EGFR: variants seen among roughly 807,000 people sequenced by gnomAD.
EGFR encodes the protein avian erythroblastic leukemia viral (v-erb-b) oncogene homolog.
In EGFR, 58 loss-of-function variants were observed where a neutral mutation model predicts 143.0. The observed-to-expected ratio is 0.41, with a 90% confidence interval of 0.33 to 0.50. The LOEUF (loss-of-function observed/expected upper bound fraction) is 0.50, where lower values mean the gene tolerates loss of function less well. Among genes scored for constraint, EGFR ranks in the 20% least tolerant of loss-of-function variants. The pLI, the probability that EGFR is intolerant of heterozygous loss-of-function variation, is 0.39. For missense variants in EGFR, 1,307 were observed against 1,579.0 expected (o/e 0.83, Z 2.92); for synonymous variants, 613 against 594.4 (o/e 1.03, Z -0.45).
At chr7:55,027,991 A>AAAAAAAT (rs1554311534) in intron 1 of EGFR, among the ~76,000 whole-genome samples, 1 of 54,990 alleles carries the variant, frequency 1.8e-5, no homozygotes, top group Admixed American at 2.8e-4. Context: ...AAAAAAAAAA[A>AAAAAAAT]ATATATATAT....
chr7:55,115,279 G>GTTTATAC (rs1792765871), intron 1 of EGFR, among the ~76,000 whole-genome samples: 1 of 152,150 alleles, frequency 6.6e-6, no homozygotes, highest in Admixed American at 6.5e-5. Flanking sequence ...ATAGTTTATA[G>GTTTATAC]TTTATAAAAG....
intron 1 of EGFR, among the ~76,000 whole-genome samples, chr7:55,122,443 C>T (rs550906300): frequency 1.6e-4 from 25 of 152,332 alleles, no homozygotes; most frequent in African/African-American, 6.0e-4. Flanking sequence ...CGCACAGCCA[C>T]GCTGTGTGCT....
At chr7:55,179,436 C>A (rs935219940) in intron 19 of EGFR, among the ~76,000 whole-genome samples, 1 of 152,238 alleles carries the variant, frequency 6.6e-6, no homozygotes, top group Non-Finnish European at 1.5e-5. Context: ...ATTGAAGAGT[C>A]GAGGAAGGCT....
At chr7:55,155,973 A>C (rs778872118) in intron 8 of EGFR, 27 bp downstream of exon 8, 32 of 1,567,598 alleles carry the variant, frequency 2.0e-5, no homozygotes, top group Non-Finnish European at 2.7e-5. Flanking sequence ...TGTGCGGACG[A>C]GGCTTGTTCT....
chr7:55,206,360 T>C lies in EGFR; in HGVS notation c.*743T>C, dbSNP rs1233883063. Reference sequence around the variant, plus strand: ...TGAGCGTTAGACTGACTTGTTTGTCTTCCATTCCATTGTTTTGAAACTCAG... The same window carrying C: ...TGAGCGTTAGACTGACTTGTTTGTCCTCCATTCCATTGTTTTGAAACTCAG... On this transcript the variant is annotated 3_prime_UTR_variant, in exon 28 of 28. Coordinates refer to ENST00000275493, the MANE Select transcript of EGFR (RefSeq NM_005228.5). 7 of 233,392 alleles carry C rather than the reference T, an allele frequency of 3.0e-5. No individual in the cohort carries two copies. The highest frequency in any genetic ancestry group is 5.1e-5 in the Non-Finnish European group (6 of 118,204). 14.5% of individuals were successfully genotyped at this position (233,392 alleles called of 1,614,324 possible).
chr7:55,116,660 C>T (rs747047207), intron 1 of EGFR, among the ~76,000 whole-genome samples: 8 of 152,194 alleles, frequency 5.3e-5, no homozygotes, highest in Non-Finnish European at 1.0e-4. Flanking sequence ...AGAAGCACCC[C>T]GTGCTGCCTC....
chr7:55,033,269 C>T lies in EGFR; in HGVS notation c.88+13904C>T, dbSNP rs976212294. ...ATATGAATATACAAAGCAAATGTAC[C>T]GAAAAAATCTTAAGACCTGCCTTGT... On this transcript the variant is annotated intron_variant, in intron 1 of 27. Coordinates refer to ENST00000275493, the MANE Select transcript of EGFR (RefSeq NM_005228.5). Among the ~76,000 whole-genome samples, 5 of 151,966 alleles carry T rather than the reference C, an allele frequency of 3.3e-5. No homozygotes were observed. In the East Asian group the frequency reaches 9.6e-4, roughly 29 times the overall value.
chr7:55,185,884 C>T (rs1369084802), intron 20 of EGFR, among the ~76,000 whole-genome samples: 2 of 152,190 alleles, frequency 1.3e-5, no homozygotes, highest in African/African-American at 2.4e-5. Context: ...TCAAAGGCTC[C>T]TTTTTACAAG....
chr7:55,126,614 G>A (rs1793537427), intron 1 of EGFR, among the ~76,000 whole-genome samples: 1 of 152,142 alleles, frequency 6.6e-6, no homozygotes, highest in African/African-American at 2.4e-5. Flanking sequence ...CCAGTGAGGG[G>A]GAGAGAAATG....
At chr7:55,203,483 CAT>C (rs1787958116) in intron 27 of EGFR, among the ~76,000 whole-genome samples, 1 of 147,988 alleles carries the variant, frequency 6.8e-6, no homozygotes, top group Non-Finnish European at 1.5e-5. Context: ...ACCACACATA[CAT>C]ACACACAGAC....
At chr7:55,089,090 G>A (rs1790943901) in intron 1 of EGFR, among the ~76,000 whole-genome samples, 1 of 143,298 alleles carries the variant, frequency 7.0e-6, no homozygotes, top group Non-Finnish European at 1.5e-5. Flanking sequence ...CGATCATTTA[G>A]GTTTTGTTTA....
In EGFR at chr7:55,174,820, T is replaced by C; in HGVS notation, c.2283T>C (p.Asp761=). The stretch of plus-strand genomic sequence containing the variant: ...CGAAAGCCAACAAGGAAATCCTCGA[T>C]GTGAGTTTCTGCTTTGCTGTGTGGG... The part of the protein sequence containing the change: ...TSPKANKEIL[D]EAYVMASVDN... Residue 761 remains aspartate (D), a splice_region_variant and synonymous_variant, in exon 19 of 28, where the codon GAT becomes GAC. Transcript: ENST00000275493. 3 of 1,613,344 alleles carry C rather than the reference T, an allele frequency of 1.9e-6. No individual in the cohort carries two copies. Among genetic ancestry groups the C allele is most frequent in the Non-Finnish European group, 2.5e-6 (3 of 1,179,256 alleles).
At position 55,026,914 on chromosome 7, in the gene EGFR, C is replaced by T. The variant is rs374329125; in HGVS notation, c.88+7549C>T. Among the ~76,000 whole-genome samples the T allele has an allele frequency of 4.0e-5, 6 of 151,866 alleles. No individual in the cohort carries two copies. The East Asian group carries it at 5.8e-4, about 15-fold the overall frequency. Reference sequence around the variant, plus strand: ...AAAAGCTTTCTGCAGTGGCTTTCAGCGGGCCCAGCATGGCAGCAGCACCTG... The same window carrying T: ...AAAAGCTTTCTGCAGTGGCTTTCAGTGGGCCCAGCATGGCAGCAGCACCTG... On this transcript the variant is annotated intron_variant, in intron 1 of 27. Coordinates refer to ENST00000275493, the MANE Select transcript of EGFR (RefSeq NM_005228.5).
At chr7:55,086,155 A>T (rs1179316089) in intron 1 of EGFR, among the ~76,000 whole-genome samples, 1 of 152,060 alleles carries the variant, frequency 6.6e-6, no homozygotes, top group African/African-American at 2.4e-5. Flanking sequence ...CAATACCTCC[A>T]TGTTACTGCC....
At chr7:55,109,639 A>G in intron 1 of EGFR, 1 of 621,272 alleles carries the variant, frequency 1.6e-6, no homozygotes, top group Non-Finnish European at 2.0e-6. Context: ...TTACCTTTGC[A>G]GAGAGGCTTA....
chr7:55,204,055 T>C (rs1787991066), intron 27 of EGFR, among the ~76,000 whole-genome samples: 1 of 151,636 alleles, frequency 6.6e-6, no homozygotes, highest in Non-Finnish European at 1.5e-5. Flanking sequence ...TTATTGGCTA[T>C]CTAATATAAT....
chr7:55,044,420 A>G (rs1311438103), intron 1 of EGFR, among the ~76,000 whole-genome samples: 2 of 152,192 alleles, frequency 1.3e-5, no homozygotes, highest in Non-Finnish European at 2.9e-5. Flanking sequence ...AGATTACTAT[A>G]CCTAACAACC....
rs571225968 is a variant in EGFR at position 55,181,436 on chromosome 7, T to C, written c.2427T>C (p.Ile809=). 7.7e-5 allele frequency: 125 copies of C among 1,614,190 alleles called. No homozygotes were observed. In the South Asian group the frequency reaches 1.3e-3, roughly 16 times the overall value. The change falls in exon 20 of 28, where the codon ATT becomes ATC. Residue 809 remains isoleucine (I), a synonymous_variant. Transcript: ENST00000275493. ...LDYVREHKDN[I]GSQYLLNWCV... is the part of the protein sequence containing the mutation. ...ATGTCCGGGAACACAAAGACAATAT[T>C]GGCTCCCAGTACCTGCTCAACTGGT...
intron 1 of EGFR, among the ~76,000 whole-genome samples, chr7:55,132,925 G>A (rs1393213768): frequency 1.3e-5 from 2 of 152,160 alleles, no homozygotes; most frequent in Admixed American, 6.5e-5. Context: ...CTGGCCAAAG[G>A]GTCATCATGC....
Sources: allele counts gnomAD v4.1 joint callset (sites outside exome capture counted in the v4.1 genomes callset), GRCh38; gene constraint gnomAD v4.1.1; transcripts MANE v1.5; gene names NCBI Gene and HGNC (gene_info 2026-07-23, HGNC 2026-07-21).